Variants in TICRR observed in about 807,000 individuals in gnomAD.
The protein encoded by TICRR is TOPBP1 interacting checkpoint and replication regulator.
A neutral mutation model predicts 178.1 loss-of-function variants in TICRR; 132 were observed. The ratio of observed to expected loss-of-function variants is 0.74; its 90% CI spans 0.64 to 0.86. The LOEUF (loss-of-function observed/expected upper bound fraction) is 0.86, where lower values mean the gene tolerates loss of function less well. Ranked by LOEUF, TICRR falls within the 40% of genes least tolerant of loss-of-function variation. TICRR has a pLI of 0.00. For missense variants in TICRR, 2,587 were observed against 2,334.3 expected, an observed-to-expected ratio of 1.11 and a Z score of -2.23; for synonymous variants, 991 against 900.7, an observed-to-expected ratio of 1.10 and a Z score of -1.79.
Position 89,627,516 on chromosome 15 carries a change from T to C in TICRR, c.*430T>C, listed in dbSNP as rs16943408. On this transcript the variant is annotated 3_prime_UTR_variant, in exon 22 of 22. Coordinates refer to ENST00000268138, the MANE Select transcript of TICRR (RefSeq NM_152259.4). ...GCGCTTTGTAAACTGTGAAGCCATA[T>C]ACGTGAAACTGAAGAGTGCATTGGG... 750 of 175,912 alleles carry C rather than the reference T, an allele frequency of 4.3e-3. 10 individuals carry two copies. The highest frequency in any genetic ancestry group is 0.017 in the African/African-American group (712 of 42,306). 10.9% of individuals were successfully genotyped at this position (175,912 alleles called of 1,614,324 possible).
chr15:89,578,240 C>A lies in TICRR; in HGVS notation c.654+2000C>A, dbSNP rs565712230. Among the ~76,000 whole-genome samples, 117 of 152,152 alleles carry A rather than the reference C, an allele frequency of 7.7e-4. 1 individual carries two copies. The highest frequency in any genetic ancestry group is 1.7e-3 in the South Asian group (8 of 4,816). ...ACTTAATGGAAATACATGTCACTAA[C>A]CCAGGAGTGAGTTAAATTGCAAGAT... On this transcript the variant is annotated intron_variant, in intron 1 of 21. Coordinates refer to ENST00000268138, the MANE Select transcript of TICRR (RefSeq NM_152259.4).
At chr15:89,603,390 A>G (rs1963126781) in intron 13 of TICRR, among the ~76,000 whole-genome samples, 2 of 152,204 alleles carry the variant, frequency 1.3e-5, no homozygotes, top group African/African-American at 4.8e-5. Context: ...CAGCCTGGAC[A>G]ACATAGCGAG....
At chr15:89,609,098 ATCT>A in intron 15 of TICRR, 149 bp downstream of exon 15, 38 of 167,336 alleles carry the variant, frequency 2.3e-4, no homozygotes, top group East Asian at 3.4e-4. Flanking sequence ...AATTTTGTTA[ATCT>A]TTTTTTTTTT....
chr15:89,613,525 C>T (rs914408973), intron 15 of TICRR, among the ~76,000 whole-genome samples: 46 of 152,222 alleles, frequency 3.0e-4, no homozygotes, highest in Non-Finnish European at 3.4e-4. Flanking sequence ...TCTGTCCTTT[C>T]CTTCTGGACT....
intron 1 of TICRR, among the ~76,000 whole-genome samples, 197 bp downstream of exon 1, chr15:89,576,437 C>G (rs113615638): frequency 7.2e-5 from 11 of 152,092 alleles, no homozygotes; most frequent in African/African-American, 2.7e-4. Context: ...GTTTAAGACC[C>G]CTCACAATTT....
At chr15:89,620,684 C>G (rs772209471) in intron 18 of TICRR, among the ~76,000 whole-genome samples, 1 of 152,040 alleles carries the variant, frequency 6.6e-6, no homozygotes, top group African/African-American at 2.4e-5. Flanking sequence ...TGCCTTCTTT[C>G]TTTTATGAAC....
chr15:89,618,272 T>G, intron 17 of TICRR, 62 bp downstream of exon 17: 1 of 1,456,998 alleles, frequency 6.9e-7, no homozygotes, highest in Non-Finnish European at 9.6e-7. Flanking sequence ...AACCTTTCTG[T>G]ATGTATTGTT....
chr15:89,620,794 C>T (rs1963411432), intron 18 of TICRR, among the ~76,000 whole-genome samples: 1 of 152,092 alleles, frequency 6.6e-6, no homozygotes, highest in African/African-American at 2.4e-5. Context: ...GCAATCTTGG[C>T]TCACTGCAAG....
chr15:89,606,955 C>A, intron 14 of TICRR, 130 bp downstream of exon 14: 1 of 665,096 alleles, frequency 1.5e-6, no homozygotes. Flanking sequence ...AAAATATGTC[C>A]AAATACCATG....
At chr15:89,598,942 T>C (rs1272853092) in intron 7 of TICRR, among the ~76,000 whole-genome samples, 1 of 151,874 alleles carries the variant, frequency 6.6e-6, no homozygotes, top group Admixed American at 6.6e-5. Context: ...GCCTGGGAGG[T>C]GGAGGTTGTG....
At position 89,609,480 on chromosome 15, in the gene TICRR, C is replaced by CT. The variant is rs893547068; in HGVS notation, c.2869+539dup. Reference sequence around the variant, plus strand: ...TTTTTTCTCTATTGGTTTTCTTTGTCTTTTTTTTGAGTCAGAGTCTCACTC... The same window carrying CT: ...TTTTTTCTCTATTGGTTTTCTTTGTCTTTTTTTTTGAGTCAGAGTCTCACTC... On this transcript the variant is annotated intron_variant, in intron 15 of 21. Transcript: ENST00000268138. 5.4e-4 allele frequency among the ~76,000 whole-genome samples: 81 copies of CT among 151,224 alleles called. 1 individual carries two copies. The highest frequency in any genetic ancestry group is 1.5e-3 in the South Asian group (7 of 4,764).
chr15:89,617,424 T>C (rs1246891939), intron 16 of TICRR, among the ~76,000 whole-genome samples: 1 of 152,214 alleles, frequency 6.6e-6, no homozygotes, highest in Non-Finnish European at 1.5e-5. Context: ...GATAGTCTGA[T>C]AGTTTGGTAT....
intron 1 of TICRR, among the ~76,000 whole-genome samples, chr15:89,581,246 C>T (rs1401997038): frequency 6.6e-6 from 1 of 152,118 alleles, no homozygotes; most frequent in Non-Finnish European, 1.5e-5. Context: ...ATAATTGTTA[C>T]CCGGCATGAT....
chr15:89,581,590 T>G (rs1355858628), intron 1 of TICRR, among the ~76,000 whole-genome samples: 1 of 152,088 alleles, frequency 6.6e-6, no homozygotes, highest in African/African-American at 2.4e-5. Context: ...AGGGAAGCCT[T>G]AAAATATGGC....
At chr15:89,590,619 G>A (rs970457429) in intron 4 of TICRR, among the ~76,000 whole-genome samples, 1 of 152,194 alleles carries the variant, frequency 6.6e-6, no homozygotes. Context: ...TCCTATTCAT[G>A]CATTGGTACC....
chr15:89,600,554 A>G (rs780869209), intron 8 of TICRR, 31 bp from the exon 9 acceptor site: 12 of 1,037,328 alleles, frequency 1.2e-5, no homozygotes, highest in Admixed American at 4.6e-5. Flanking sequence ...AAGTAACACT[A>G]TTCTCCTATG....
chr15:89,600,376 T>C (rs745727074), intron 8 of TICRR, among the ~76,000 whole-genome samples: 2 of 152,240 alleles, frequency 1.3e-5, no homozygotes, highest in African/African-American at 2.4e-5. Context: ...AGGGCAGGCT[T>C]GTTTTATCCA....
intron 13 of TICRR, among the ~76,000 whole-genome samples, chr15:89,603,597 A>G (rs1354437109): frequency 6.6e-6 from 1 of 152,228 alleles, no homozygotes; most frequent in African/African-American, 2.4e-5. Context: ...AAGTGAATTA[A>G]TGAATGAATA....
rs767656585 is a variant in TICRR at position 89,602,865 on chromosome 15, T to G, written c.2637T>G (p.Pro879=). The G allele has an allele frequency of 3.3e-6, 5 of 1,531,502 alleles. No individual in the cohort carries two copies. In the South Asian group the frequency reaches 5.3e-5, roughly 16 times the overall value. 94.9% of individuals were successfully genotyped at this position (1,531,502 alleles called of 1,614,324 possible). Residue 879 remains proline (P), a synonymous_variant, in exon 13 of 22, where the codon CCT becomes CCG. Transcript: ENST00000268138. ...AGAATCTTCGACAAATTGAAATTCC[T>G]AAAGTGTCAAAGAGAGCTACGAAAA... The part of the protein sequence containing the change: ...VSQNLRQIEI[P]KVSKRATKKE...
Sources: allele counts gnomAD v4.1 joint callset (sites outside exome capture counted in the v4.1 genomes callset), GRCh38; gene constraint gnomAD v4.1.1; transcripts MANE v1.5; gene names NCBI Gene and HGNC (gene_info 2026-07-23, HGNC 2026-07-21).